TCF4: variants seen among roughly 807,000 people sequenced by gnomAD.
The protein encoded by TCF4 is transcription factor 4.
A neutral mutation model predicts 82.1 loss-of-function variants in TCF4; 3 were observed. That is an observed-to-expected ratio of 0.04 (90% CI 0.02 to 0.09). The LOEUF (loss-of-function observed/expected upper bound fraction) is 0.09. Among genes scored for constraint, TCF4 ranks in the 10% least tolerant of loss-of-function variants. The pLI, the probability that TCF4 is intolerant of heterozygous loss-of-function variation, is 1.00. For synonymous variants in TCF4, 276 were observed against 309.6 expected, an observed-to-expected ratio of 0.89 and a Z score of 1.14; for missense variants, 518 against 852.7, an observed-to-expected ratio of 0.61 and a Z score of 4.89.
chr18:55,377,683 G>GT (rs540800343), intron 6 of TCF4, among the ~76,000 whole-genome samples: 89 of 152,358 alleles, frequency 5.8e-4, no homozygotes, highest in African/African-American at 2.0e-3. Context: ...CAGGGACCCA[G>GT]TGATGGGTCT....
At position 55,222,973 on chromosome 18, in the gene TCF4, G is replaced by C. The variant is rs1308266523; in HGVS notation, c.*5062C>G. ...AAATACAGTGTTAATATTAACTGTA[G>C]TTAACAATATTCAGCTTTTAACAAA... On this transcript the variant is annotated 3_prime_UTR_variant, in exon 20 of 20. Coordinates refer to ENST00000354452, the MANE Select transcript of TCF4 (RefSeq NM_001083962.2). 3 of 152,600 alleles carry C rather than the reference G, an allele frequency of 2.0e-5. No homozygotes were observed. The highest frequency in any genetic ancestry group is 7.2e-5 in the African/African-American group (3 of 41,448). 9.5% of individuals were successfully genotyped at this position (152,600 alleles called of 1,614,324 possible).
In TCF4 at chr18:55,457,387, C is replaced by T. The variant is rs553546310; in HGVS notation, c.304+3632G>A. Reference sequence around the variant, plus strand: ...ATGTGTGTGCATGCATGTATAACCACACATGGGTGTTTTATTTACTTTAGG... The same window carrying T: ...ATGTGTGTGCATGCATGTATAACCATACATGGGTGTTTTATTTACTTTAGG... On this transcript the variant is annotated intron_variant, in intron 5 of 19. Coordinates refer to ENST00000354452, the MANE Select transcript of TCF4 (RefSeq NM_001083962.2). Among the ~76,000 whole-genome samples the T allele has an allele frequency of 2.6e-4, 40 of 152,322 alleles. No individual in the cohort carries two copies. In the South Asian group the frequency reaches 7.9e-3, roughly 30 times the overall value.
At chr18:55,619,526 T>C (rs577145296) in intron 2 of TCF4, among the ~76,000 whole-genome samples, 7 of 152,276 alleles carry the variant, frequency 4.6e-5, no homozygotes, top group Admixed American at 1.3e-4. Context: ...ATTTCAGACA[T>C]TGTTGTTTTC....
At chr18:55,333,099 T>C (rs552582925) in intron 8 of TCF4, among the ~76,000 whole-genome samples, 31 of 152,344 alleles carry the variant, frequency 2.0e-4, no homozygotes, top group African/African-American at 7.2e-4. Context: ...TCTGAAAGCA[T>C]ATTCTAAAAT....
chr18:55,418,831 T>C (rs372101633), intron 5 of TCF4, among the ~76,000 whole-genome samples: 2 of 152,166 alleles, frequency 1.3e-5, no homozygotes, highest in South Asian at 4.1e-4. Flanking sequence ...ACTTTTTATC[T>C]AAGAAAAGTA....
At chr18:55,537,180 G>C (rs969524380) in intron 3 of TCF4, among the ~76,000 whole-genome samples, 9 of 150,394 alleles carry the variant, frequency 6.0e-5, no homozygotes, top group Non-Finnish European at 1.0e-4. Context: ...AACTGGAAAG[G>C]CTTTACAAAA....
intron 8 of TCF4, chr18:55,284,553 C>A (rs906107000): frequency 6.6e-6 from 1 of 152,182 alleles, no homozygotes; most frequent in Non-Finnish European, 1.5e-5. Flanking sequence ...TATCACATCA[C>A]CATGTGTGGT....
At chr18:55,595,344 G>A (rs2097689805) in intron 2 of TCF4, among the ~76,000 whole-genome samples, 1 of 152,126 alleles carries the variant, frequency 6.6e-6, no homozygotes, top group African/African-American at 2.4e-5. Flanking sequence ...CATTATTTCT[G>A]CATGGGTCCC....
chr18:55,361,288 G>A (rs1289437674), intron 6 of TCF4, among the ~76,000 whole-genome samples: 1 of 152,022 alleles, frequency 6.6e-6, no homozygotes, highest in Non-Finnish European at 1.5e-5. Context: ...TCTAGTAGTA[G>A]TCTACCTCCC....
intron 5 of TCF4, 59 bp from the exon 6 acceptor site, chr18:55,403,577 T>A: frequency 7.4e-6 from 12 of 1,613,622 alleles, no homozygotes; most frequent in Non-Finnish European, 9.3e-6. Flanking sequence ...AAAAATCTCC[T>A]CCAGGTAACA....
Position 55,222,573 on chromosome 18 carries a change from AC to A in TCF4, c.*5461del, listed in dbSNP as rs2046009276. ...ACATTTTCCTTCAACTAGTCACTAA[AC>A]CCAATTAGAAAGAATACAAGAGCAA... is the stretch of plus-strand genomic sequence containing the variant. On this transcript the variant is annotated 3_prime_UTR_variant, in exon 20 of 20. Coordinates refer to ENST00000354452, the MANE Select transcript of TCF4 (RefSeq NM_001083962.2). 1 of 152,626 alleles carries A rather than the reference AC, an allele frequency of 6.6e-6. No homozygotes were observed. Among genetic ancestry groups the A allele is most frequent in the Non-Finnish European group, 1.5e-5 (1 of 68,034 alleles). The allele number at this position is 152,626 out of a possible 1,614,324, so 9.5% of individuals were successfully genotyped here.
intron 5 of TCF4, among the ~76,000 whole-genome samples, chr18:55,455,586 AG>A (rs974314003): frequency 2.0e-5 from 3 of 152,036 alleles, no homozygotes; most frequent in African/African-American, 7.2e-5. Context: ...GAACTAGCAA[AG>A]GGGCCTGCTT....
chr18:55,369,713 T>TGG (rs201381609), intron 6 of TCF4, among the ~76,000 whole-genome samples: 3 of 152,104 alleles, frequency 2.0e-5, no homozygotes, highest in Admixed American at 6.6e-5. Flanking sequence ...AAAAAGTTGT[T>TGG]GGGGGGCGCA....
chr18:55,431,159 G>C lies in TCF4; in HGVS notation c.305-27641C>G, dbSNP rs187832880. Among the ~76,000 whole-genome samples the C allele has an allele frequency of 6.6e-5, 10 of 152,348 alleles. No individual in the cohort carries two copies. In the East Asian group the frequency reaches 1.9e-3, roughly 29 times the overall value. ...TAAGACATGGGGGAAAAAGGAGCCA[G>C]TTGGAGTTTAGTTGCAGCTCTTCTA... On this transcript the variant is annotated intron_variant, in intron 5 of 19. Transcript: ENST00000354452.
At chr18:55,409,965 A>C (rs910266358) in intron 5 of TCF4, among the ~76,000 whole-genome samples, 1 of 152,196 alleles carries the variant, frequency 6.6e-6, no homozygotes, top group African/African-American at 2.4e-5. Flanking sequence ...CGATACAGGG[A>C]CAACTCTGCC....
chr18:55,242,545 T>C (rs2051592713), intron 15 of TCF4, among the ~76,000 whole-genome samples: 1 of 152,112 alleles, frequency 6.6e-6, no homozygotes, highest in Non-Finnish European at 1.5e-5. Context: ...AAGTGTACTA[T>C]ATGCAAGGCA....
intron 8 of TCF4, among the ~76,000 whole-genome samples, chr18:55,345,696 G>A (rs771969381): frequency 4.6e-5 from 7 of 152,010 alleles, no homozygotes; most frequent in African/African-American, 7.3e-5. Context: ...CTCCTTTTAC[G>A]TCTTACCACA....
At chr18:55,281,485 A>T (rs895276295) in intron 8 of TCF4, among the ~76,000 whole-genome samples, 1 of 152,154 alleles carries the variant, frequency 6.6e-6, no homozygotes, top group Non-Finnish European at 1.5e-5. Context: ...ACATAAGCTA[A>T]GTGTACTATG....
chr18:55,433,492 C>T (rs1448225394), intron 5 of TCF4, among the ~76,000 whole-genome samples: 5 of 152,160 alleles, frequency 3.3e-5, no homozygotes, highest in Non-Finnish European at 5.9e-5. Flanking sequence ...TAATGGACCA[C>T]GGATTTACTT....
Sources: allele counts gnomAD v4.1 joint callset (sites outside exome capture counted in the v4.1 genomes callset), GRCh38; gene constraint gnomAD v4.1.1; transcripts MANE v1.5; gene names NCBI Gene and HGNC (gene_info 2026-07-23, HGNC 2026-07-21).